Variants in CARNS1 observed in about 807,000 individuals in gnomAD.
CARNS1 encodes carnosine synthase 1.
In CARNS1, 61 loss-of-function variants were observed where a neutral mutation model predicts 74.0. The ratio of observed to expected loss-of-function variants is 0.82; its 90% CI spans 0.67 to 1.02. CARNS1 has a LOEUF of 1.02. Among genes scored for constraint, CARNS1 ranks in the 50% least tolerant of loss-of-function variants. CARNS1 has a pLI of 0.00. For synonymous variants in CARNS1, 568 were observed against 605.5 expected, an observed-to-expected ratio of 0.94 and a Z score of 0.91; for missense variants, 1,278 against 1,308.4, an observed-to-expected ratio of 0.98 and a Z score of 0.36.
Position 67,420,994 on chromosome 11 carries a change from G to C in CARNS1, c.1401G>C (p.Glu467Asp). ...GCGTGCTGACCCCAGTGGCCCTGGA[G>C]CTGAACGGCGGCCTGTGTCTGGAGG... ...AGGVLTPVAL[E>D]LNGGLCLEAC... The change falls in exon 9 of 10, where the codon GAG becomes GAC. Residue 467 changes from glutamate (E) to aspartate (D), a missense_variant. By Grantham distance (45) the Glu-to-Asp change is conservative. Around this residue, in one of 3 missense-constraint regions of CARNS1, gnomAD observed 1,164 missense variants for 1,156.5 expected, o/e 1.01. Transcript: ENST00000687366. The C allele has an allele frequency of 1.4e-6, 2 of 1,424,516 alleles. No homozygotes were observed. Among genetic ancestry groups the C allele is most frequent in the Non-Finnish European group, 1.8e-6 (2 of 1,092,170 alleles). 88.2% of individuals were successfully genotyped at this position (1,424,516 alleles called of 1,614,324 possible).
At chr11:67,419,317 T>C (rs888524013) in intron 5 of CARNS1, 74 bp downstream of exon 5, 3 of 1,467,186 alleles carry the variant, frequency 2.0e-6, no homozygotes, top group African/African-American at 2.8e-5. Context: ...TTACCAAGTC[T>C]GGCTGGAAAG....
At chr11:67,421,785 T>G (rs1400438321) in intron 9 of CARNS1, among the ~76,000 whole-genome samples, 1 of 152,184 alleles carries the variant, frequency 6.6e-6, no homozygotes, top group Non-Finnish European at 1.5e-5. Flanking sequence ...TGGAGTGCGG[T>G]GGTGCGATCA....
Position 67,423,864 on chromosome 11 carries a change from C to A in CARNS1, c.2116C>A (p.Gln706Lys). ...EHFSRITRDL[Q>K]GEADHPGIGL... ...CTTTTCCCGGATTACCCGAGACTTG[C>A]AGGGCGAGGCCGACCACCCAGGCAT... The change falls in exon 10 of 10, where the codon CAG becomes AAG. Residue 706 changes from glutamine to lysine, a missense_variant. Physicochemically the swap from Gln to Lys is moderately conservative, Grantham distance 53. This residue lies in a region of CARNS1 where 1,164 missense variants were observed against 1,156.5 expected (regional missense o/e 1.01). Coordinates refer to ENST00000687366, the MANE Select transcript of CARNS1 (RefSeq NM_001166222.2). The surrounding 1 kb of genome is among the most constrained non-coding windows in gnomAD (Gnocchi z 5.1). The A allele has an allele frequency of 6.2e-7, 1 of 1,613,134 alleles. No homozygotes were observed. The highest frequency in any genetic ancestry group is 8.5e-7 in the Non-Finnish European group (1 of 1,179,884).
chr11:67,419,266 G>A (rs1469603800), intron 5 of CARNS1, 23 bp downstream of exon 5: 1 of 1,469,520 alleles, frequency 6.8e-7, no homozygotes, highest in Non-Finnish European at 9.0e-7. Flanking sequence ...CGCCCACCCT[G>A]AGGTCTGTAC....
Position 67,420,706 on chromosome 11 carries a change from AG to A in CARNS1, c.1213del (p.Glu405ArgfsTer29). On this transcript the variant is annotated frameshift_variant, in exon 8 of 10. Coordinates refer to ENST00000687366, the MANE Select transcript of CARNS1 (RefSeq NM_001166222.2). LOFTEE classifies it high-confidence loss of function. ...EVALAQCGLG[E>X]EAQVAAVRQR... Reference sequence around the variant, plus strand: ...GCGCTGGCCCAGTGCGGCCTGGGCGAGGAGGCGCAGGTGGCGGCTGTGCGGC... The same window carrying A: ...GCGCTGGCCCAGTGCGGCCTGGGCGAGAGGCGCAGGTGGCGGCTGTGCGGC... 7.9e-7 allele frequency: 1 copy of A among 1,266,484 alleles called. No individual in the cohort carries two copies. Among genetic ancestry groups the A allele is most frequent in the Non-Finnish European group, 9.9e-7 (1 of 1,009,250 alleles). 78.5% of individuals were successfully genotyped at this position (1,266,484 alleles called of 1,614,324 possible).
intron 1 of CARNS1, 74 bp from the exon 2 acceptor site, chr11:67,416,102 G>A: frequency 2.2e-6 from 2 of 917,356 alleles, no homozygotes; most frequent in Middle Eastern, 2.1e-4. Context: ...CCAAAGTCTA[G>A]GGGCTGGAAG....
chr11:67,419,667 A>C lies in CARNS1; in HGVS notation c.1027+6A>C. 3 of 1,591,792 alleles carry C rather than the reference A, an allele frequency of 1.9e-6. No homozygotes were observed. Among genetic ancestry groups the C allele is most frequent in the Non-Finnish European group, 2.6e-6 (3 of 1,169,780 alleles). ...TGCCCAGCTGCCCTGCTCAGGTGAGAGCCACCTGGGCTGACCAGGGATGGG... is the reference window on the plus strand; with the variant it reads ...TGCCCAGCTGCCCTGCTCAGGTGAGCGCCACCTGGGCTGACCAGGGATGGG... On this transcript the variant is annotated splice_donor_region_variant and intron_variant, in intron 6 of 9. Transcript: ENST00000687366.
In CARNS1 at chr11:67,424,450, T is replaced by C; in HGVS notation, c.2702T>C (p.Val901Ala). 1 of 1,589,164 alleles carries C rather than the reference T, an allele frequency of 6.3e-7. No individual in the cohort carries two copies. Among genetic ancestry groups the C allele is most frequent in the South Asian group, 1.1e-5 (1 of 88,112 alleles). Reference protein sequence around the residue: ...LRLNLLEEALVPGEYEEPYCS... With the variant: ...LRLNLLEEALAPGEYEEPYCS... The stretch of plus-strand genomic sequence containing the variant: ...CTCAATCTGCTGGAGGAGGCCCTGG[T>C]GCCTGGCGAGTATGAGGAGCCCTAC... The change falls in exon 10 of 10, where the codon GTG becomes GCG. Residue 901 changes from valine (V) to alanine (A), a missense_variant. Coordinates refer to ENST00000687366, the MANE Select transcript of CARNS1 (RefSeq NM_001166222.2).
rs746527454 is a variant in CARNS1 at position 67,419,001 on chromosome 11, G to A, written c.610G>A (p.Ala204Thr). ...RDLTCPTGAS[A>T]ELARLLEDRL... ...CCTGACCTGCCCCACAGGAGCTTCG[G>A]CTGAGCTGGCCCGGCTGCTGGAGGA... The change falls in exon 5 of 10, where the codon GCT (alanine) becomes ACT (threonine). Residue 204 changes from alanine to threonine, a missense_variant. By Grantham distance (58) the Ala-to-Thr change is moderately conservative. Coordinates refer to ENST00000687366, the MANE Select transcript of CARNS1 (RefSeq NM_001166222.2). 46 of 1,561,296 alleles carry A rather than the reference G, an allele frequency of 2.9e-5. No homozygotes were observed. The highest frequency in any genetic ancestry group is 2.7e-4 in the Admixed American group (14 of 52,468).
In CARNS1 at chr11:67,424,617, G is replaced by A. The variant is rs755927459; in HGVS notation, c.*16G>A. The A allele has an allele frequency of 5.0e-6, 8 of 1,590,014 alleles. No individual in the cohort carries two copies. The highest frequency in any genetic ancestry group is 6.8e-6 in the Non-Finnish European group (8 of 1,168,400). On this transcript the variant is annotated 3_prime_UTR_variant, in exon 10 of 10. Transcript: ENST00000687366. ...CTTCAAATAGCACTGGGGTCAGGGGGCAGGGAAGCAGTGCTGGGTGGAGGC... is the reference window on the plus strand; with the variant it reads ...CTTCAAATAGCACTGGGGTCAGGGGACAGGGAAGCAGTGCTGGGTGGAGGC...
In CARNS1 at chr11:67,418,936, G is replaced by A; in HGVS notation, c.545G>A (p.Gly182Glu). The change falls in exon 5 of 10, where the codon GGG becomes GAG. Residue 182 changes from glycine to glutamate, a missense_variant. By Grantham distance (98) the Gly-to-Glu change is moderately conservative. Coordinates refer to ENST00000687366, the MANE Select transcript of CARNS1 (RefSeq NM_001166222.2). ...ATYFLAGLGL[G>E]PGRGREAAEL... Reference sequence around the variant, plus strand: ...TACTTTTTGGCAGGCCTGGGCCTGGGGCCTGGCCGGGGCCGAGAGGCAGCA... The same window carrying A: ...TACTTTTTGGCAGGCCTGGGCCTGGAGCCTGGCCGGGGCCGAGAGGCAGCA... The A allele has an allele frequency of 6.3e-7, 1 of 1,580,302 alleles. No individual in the cohort carries two copies. Among genetic ancestry groups the A allele is most frequent in the East Asian group, 2.3e-5 (1 of 42,988 alleles).
chr11:67,416,505 C>T, intron 2 of CARNS1: 2 of 1,248,938 alleles, frequency 1.6e-6, no homozygotes, highest in Non-Finnish European at 2.0e-6. Context: ...CAGTCCTCTG[C>T]CGTCTGGGCC....
chr11:67,420,858 G>T lies in CARNS1; in HGVS notation c.1345+18G>T. The T allele has an allele frequency of 2.4e-6, 3 of 1,266,406 alleles. No homozygotes were observed. The highest frequency in any genetic ancestry group is 3.0e-6 in the Non-Finnish European group (3 of 1,008,718). The allele number at this position is 1,266,406 out of a possible 1,614,324, so 78.4% of individuals were successfully genotyped here. ...CTTCCTGGGTGAGTGAGGGCGGCCG[G>T]GGCCGGGGCCGGGAGCCGAGGGCCA... is the stretch of plus-strand genomic sequence containing the variant. On this transcript the variant is annotated intron_variant, in intron 8 of 9. Coordinates refer to ENST00000687366, the MANE Select transcript of CARNS1 (RefSeq NM_001166222.2).
intron 3 of CARNS1, 80 bp from the exon 4 acceptor site, chr11:67,418,351 T>G: frequency 3.0e-6 from 3 of 1,014,522 alleles, no homozygotes; most frequent in Non-Finnish European, 4.1e-6. Context: ...GGTGGGGCCG[T>G]GGGTGTGGAG....
intron 7 of CARNS1, 94 bp downstream of exon 7, chr11:67,419,932 G>C: frequency 7.7e-7 from 1 of 1,305,812 alleles, no homozygotes; most frequent in Non-Finnish European, 1.1e-6. Context: ...GCCGTCTCTG[G>C]GCAGAGAGGA....
Position 67,424,757 on chromosome 11 carries a change from T to A in CARNS1, c.*156T>A. On this transcript the variant is annotated 3_prime_UTR_variant, in exon 10 of 10. Coordinates refer to ENST00000687366, the MANE Select transcript of CARNS1 (RefSeq NM_001166222.2). ...GTCTGTTCCAGAGCAGCAGGGCAAT[T>A]TAGACACCAAGGCATCCTGGACTCA... 1.1e-6 allele frequency: 1 copy of A among 873,354 alleles called. No individual in the cohort carries two copies. The allele number at this position is 873,354 out of a possible 1,614,324, so 54.1% of individuals were successfully genotyped here. A position where few individuals can be genotyped will look rare whatever the true frequency, so the allele number is the denominator to read the frequency against.
In CARNS1 at chr11:67,419,762, C is replaced by T. The variant is rs1219606425; in HGVS notation, c.1037C>T (p.Ser346Leu). Reference sequence around the variant, plus strand: ...CCCCGTCTTCCCCCAGATGGTCCTTCACCCGGCCCCGGCCTGGCCGTGCGA... The same window carrying T: ...CCCCGTCTTCCCCCAGATGGTCCTTTACCCGGCCCCGGCCTGGCCGTGCGA... ...PAQLPCSDGP[S>L]PGPGLAVRIC... Residue 346 changes from serine to leucine, a missense_variant, in exon 7 of 10, where the codon TCA becomes TTA. This residue lies in a region of CARNS1 where 1,164 missense variants were observed against 1,156.5 expected (regional missense o/e 1.01). Coordinates refer to ENST00000687366, the MANE Select transcript of CARNS1 (RefSeq NM_001166222.2). The T allele has an allele frequency of 3.1e-6, 5 of 1,603,754 alleles. No homozygotes were observed. The highest frequency in any genetic ancestry group is 4.3e-6 in the Non-Finnish European group (5 of 1,175,630).
chr11:67,424,861 C>CCACACACACACACACA lies in CARNS1; in HGVS notation c.*276_*291dup, dbSNP rs59798232. ...TCTAGCCTTGGAGAAATGACAATGGCCACACACACACACACACACACACAC... is the reference window on the plus strand; with the variant it reads ...TCTAGCCTTGGAGAAATGACAATGGCCACACACACACACACACACACACACACACACACACACACAC... On this transcript the variant is annotated 3_prime_UTR_variant, in exon 10 of 10. Coordinates refer to ENST00000687366, the MANE Select transcript of CARNS1 (RefSeq NM_001166222.2). 2,440 of 508,608 alleles carry CCACACACACACACACA rather than the reference C, an allele frequency of 4.8e-3. 26 individuals are homozygous for CCACACACACACACACA. Among genetic ancestry groups the CCACACACACACACACA allele is most frequent in the African/African-American group, 0.026 (1,254 of 47,628 alleles). The allele number at this position is 508,608 out of a possible 1,614,324, so 31.5% of individuals were successfully genotyped here. A position where few individuals can be genotyped will look rare whatever the true frequency, so the allele number is the denominator to read the frequency against.
At chr11:67,416,692 TG>T in intron 2 of CARNS1, 1 of 987,776 alleles carries the variant, frequency 1.0e-6, no homozygotes, top group Non-Finnish European at 1.2e-6. Context: ...TGTCCAGGCC[TG>T]GGGACTGCAA....
Sources: gnomAD v4.1 joint callset for allele counts (sites outside exome capture counted in the v4.1 genomes callset) on GRCh38, gnomAD v4.1.1 for gene constraint, gnomAD v4.1.1 regional missense constraint, Gnocchi (gnomAD v3.1) non-coding constraint, MANE v1.5 for transcripts, NCBI Gene and HGNC (gene_info 2026-07-23, HGNC 2026-07-21) for gene names.